Variants in TINAG observed in about 807,000 individuals in gnomAD.
TINAG encodes tubulointerstitial nephritis antigen.
TINAG carries 83 observed loss-of-function variants against 72.7 expected under a neutral mutation model. The observed-to-expected ratio is 1.14, with a 90% confidence interval of 0.96 to 1.37. The LOEUF is 1.37. Among genes scored for constraint, TINAG ranks in the 40% most tolerant of loss-of-function variants. The pLI, the probability that TINAG is intolerant of heterozygous loss-of-function variation, is 0.00. For synonymous variants in TINAG, 234 were observed against 189.9 expected (o/e 1.23, Z -1.91); for missense variants, 685 against 576.6 (o/e 1.19, Z -1.93).
intron 3 of TINAG, among the ~76,000 whole-genome samples, chr6:54,323,537 C>G (rs1401810857): frequency 6.6e-6 from 1 of 152,050 alleles, no homozygotes; most frequent in South Asian, 2.1e-4. Context: ...ATTTTAGATC[C>G]AAGTCTTTAT....
chr6:54,368,194 T>C (rs1763492500), intron 9 of TINAG, among the ~76,000 whole-genome samples: 1 of 149,098 alleles, frequency 6.7e-6, no homozygotes, highest in South Asian at 2.1e-4. Flanking sequence ...TTCTAGATTT[T>C]TAAAAGTTAT....
At chr6:54,311,193 T>C (rs1784248376) in intron 1 of TINAG, among the ~76,000 whole-genome samples, 1 of 152,166 alleles carries the variant, frequency 6.6e-6, no homozygotes, top group African/African-American at 2.4e-5. Flanking sequence ...GACAGCAACA[T>C]GTTTTAAGAC....
At chr6:54,324,442 A>G (rs1784560721) in intron 3 of TINAG, among the ~76,000 whole-genome samples, 1 of 152,128 alleles carries the variant, frequency 6.6e-6, no homozygotes, top group Non-Finnish European at 1.5e-5. Context: ...GTCCTCCCTT[A>G]AAGCTTATGC....
intron 10 of TINAG, among the ~76,000 whole-genome samples, chr6:54,386,398 T>A (rs924774963): frequency 1.3e-5 from 2 of 152,158 alleles, no homozygotes; most frequent in Non-Finnish European, 2.9e-5. Context: ...GTCTGAGTTG[T>A]GTTCCTTTCT....
intron 9 of TINAG, among the ~76,000 whole-genome samples, chr6:54,358,174 G>A (rs1240455617): frequency 6.6e-6 from 1 of 151,686 alleles, no homozygotes; most frequent in Non-Finnish European, 1.5e-5. Context: ...TTCTTAATAT[G>A]TCCTCCCTGG....
At chr6:54,354,873 G>A (rs568013366) in intron 9 of TINAG, among the ~76,000 whole-genome samples, 1 of 151,882 alleles carries the variant, frequency 6.6e-6, no homozygotes, top group South Asian at 2.1e-4. Flanking sequence ...ATGTCCTTAA[G>A]AATCCGTTCT....
At chr6:54,382,709 C>T (rs1763987180) in intron 10 of TINAG, among the ~76,000 whole-genome samples, 1 of 152,048 alleles carries the variant, frequency 6.6e-6, no homozygotes, top group South Asian at 2.1e-4. Context: ...ATGCATCTCC[C>T]ACACCTTAGT....
chr6:54,340,455 A>G (rs769751933), intron 4 of TINAG, among the ~76,000 whole-genome samples: 3 of 152,072 alleles, frequency 2.0e-5, no homozygotes, highest in African/African-American at 4.8e-5. Context: ...TCTATTACCA[A>G]TTCCTAACAG....
intron 3 of TINAG, among the ~76,000 whole-genome samples, chr6:54,323,063 A>G (rs947928555): frequency 6.6e-6 from 1 of 152,212 alleles, no homozygotes; most frequent in Non-Finnish European, 1.5e-5. Flanking sequence ...AAACTCCACC[A>G]TTACTTTTGC....
chr6:54,350,429 T>C (rs1028350416), intron 7 of TINAG, among the ~76,000 whole-genome samples: 53 of 151,888 alleles, frequency 3.5e-4, no homozygotes, highest in African/African-American at 1.2e-3. Flanking sequence ...ATCTCCAGAA[T>C]ACAATTCGGT....
chr6:54,386,545 G>GC (rs1183393583), intron 10 of TINAG, among the ~76,000 whole-genome samples: 1 of 151,998 alleles, frequency 6.6e-6, no homozygotes, highest in African/African-American at 2.4e-5. Context: ...CTTCCATGTG[G>GC]CTCCCTCACA....
chr6:54,335,596 T>C (rs897131158), intron 4 of TINAG, among the ~76,000 whole-genome samples: 6 of 152,092 alleles, frequency 3.9e-5, no homozygotes, highest in African/African-American at 1.4e-4. Flanking sequence ...AGGAAGAACA[T>C]GAAGTAAGAA....
chr6:54,372,992 T>G (rs1279131389), intron 9 of TINAG, among the ~76,000 whole-genome samples: 9 of 152,072 alleles, frequency 5.9e-5, no homozygotes, highest in Non-Finnish European at 1.0e-4. Flanking sequence ...ACATGATTAA[T>G]GAGTACTAGC....
intron 5 of TINAG, among the ~76,000 whole-genome samples, chr6:54,344,239 A>C (rs1785067798): frequency 6.6e-6 from 1 of 152,200 alleles, no homozygotes; most frequent in African/African-American, 2.4e-5. Flanking sequence ...TGGGACAGAG[A>C]AATGCTGACA....
chr6:54,354,772 C>T, intron 9 of TINAG, 136 bp downstream of exon 9: 1 of 997,552 alleles, frequency 1.0e-6, no homozygotes. Flanking sequence ...TAAACCTTGC[C>T]ACTATTTAGT....
At chr6:54,369,246 C>CT (rs1763532036) in intron 9 of TINAG, among the ~76,000 whole-genome samples, 1 of 151,778 alleles carries the variant, frequency 6.6e-6, no homozygotes, top group African/African-American at 2.4e-5. Flanking sequence ...TAGAAAATCA[C>CT]TTTTTGCTTG....
At chr6:54,370,148 G>A (rs1469347619) in intron 9 of TINAG, among the ~76,000 whole-genome samples, 4 of 152,036 alleles carry the variant, frequency 2.6e-5, no homozygotes, top group Non-Finnish European at 5.9e-5. Flanking sequence ...ATAAATGACA[G>A]TTGGTTCTTC....
At chr6:54,381,151 T>C (rs1763938038) in intron 10 of TINAG, among the ~76,000 whole-genome samples, 1 of 149,196 alleles carries the variant, frequency 6.7e-6, no homozygotes, top group Non-Finnish European at 1.5e-5. Flanking sequence ...TATGTGTATA[T>C]ATATCCTATA....
At chr6:54,320,278 A>G (rs895702664) in intron 1 of TINAG, among the ~76,000 whole-genome samples, 1 of 152,084 alleles carries the variant, frequency 6.6e-6, no homozygotes, top group African/African-American at 2.4e-5. Context: ...TTACTTACTT[A>G]AAAGCATTAA....
Sources: allele counts gnomAD v4.1 joint callset (sites outside exome capture counted in the v4.1 genomes callset), GRCh38; gene constraint gnomAD v4.1.1; transcripts MANE v1.5; gene names NCBI Gene and HGNC (gene_info 2026-07-23, HGNC 2026-07-21).